UBR3: variants seen among roughly 807,000 people sequenced by gnomAD.
The protein encoded by UBR3 is E3 ubiquitin-protein ligase UBR3.
In UBR3, 85 loss-of-function variants were observed where a neutral mutation model predicts 243.2. That is an observed-to-expected ratio of 0.35 (90% CI 0.29 to 0.42). UBR3 has a LOEUF of 0.42. UBR3 is among the 10% of genes least tolerant of loss of function. The pLI, the probability that UBR3 is intolerant of heterozygous loss-of-function variation, is 1.00. For missense variants in UBR3, 1,686 were observed against 2,300.8 expected (o/e 0.73, Z 5.47); for synonymous variants, 748 against 799.8 (o/e 0.94, Z 1.09).
At chr2:170,065,171 A>G (rs561300770) in intron 35 of UBR3, among the ~76,000 whole-genome samples, 1 of 152,146 alleles carries the variant, frequency 6.6e-6, no homozygotes, top group South Asian at 2.1e-4. Flanking sequence ...ACATTTTTTA[A>G]TCTGTCAAGT....
In UBR3 at chr2:169,872,263, A is replaced by G; in HGVS notation, c.573A>G (p.Ser191=). The G allele has an allele frequency of 6.5e-7, 1 of 1,528,666 alleles. No individual in the cohort carries two copies. Among genetic ancestry groups the G allele is most frequent in the Non-Finnish European group, 8.8e-7 (1 of 1,138,138 alleles). The allele number at this position is 1,528,666 out of a possible 1,614,324, so 94.7% of individuals were successfully genotyped here. ...SGFCKRHQIK[S]SSNIPCVPKD... ...TTTGCAAAAGGCATCAAATTAAATC[A>G]AGTTCAAATATTCCCTGTGTCCCTA... Residue 191 remains serine (S), a synonymous_variant, in exon 2 of 39, where the codon TCA becomes TCG. Coordinates refer to ENST00000272793, the MANE Select transcript of UBR3 (RefSeq NM_172070.4).
intron 22 of UBR3, among the ~76,000 whole-genome samples, chr2:169,948,662 G>A (rs2086881538): frequency 6.6e-6 from 1 of 151,970 alleles, no homozygotes; most frequent in African/African-American, 2.4e-5. Context: ...AGAGGCTTTT[G>A]CCTCTAATGC....
chr2:169,838,484 G>A (rs1317828538), intron 1 of UBR3, among the ~76,000 whole-genome samples: 1 of 150,672 alleles, frequency 6.6e-6, no homozygotes, highest in Non-Finnish European at 1.5e-5. Flanking sequence ...CATGGCAGAA[G>A]CGGGGAAGAG....
chr2:170,040,160 A>G (rs527378232), intron 31 of UBR3, among the ~76,000 whole-genome samples: 4 of 152,286 alleles, frequency 2.6e-5, no homozygotes, highest in South Asian at 4.1e-4. Flanking sequence ...TAATTTTGAG[A>G]CAGAGTCTCA....
intron 26 of UBR3, among the ~76,000 whole-genome samples, chr2:169,998,412 G>A (rs924238379): frequency 6.6e-6 from 1 of 152,190 alleles, no homozygotes; most frequent in Non-Finnish European, 1.5e-5. Flanking sequence ...GTTAGTGATT[G>A]TGAGATTTTT....
At chr2:170,027,106 A>C (rs2090549233) in intron 30 of UBR3, among the ~76,000 whole-genome samples, 1 of 151,882 alleles carries the variant, frequency 6.6e-6, no homozygotes, top group Admixed American at 6.6e-5. Context: ...TGGTAGAAAT[A>C]ACTAAGAGGT....
chr2:170,001,406 T>C lies in UBR3; in HGVS notation c.4021T>C (p.Ser1341Pro), dbSNP rs1156590148. 1 of 1,611,294 alleles carries C rather than the reference T, an allele frequency of 6.2e-7. No individual in the cohort carries two copies. Among genetic ancestry groups the C allele is most frequent in the African/African-American group, 1.3e-5 (1 of 74,862 alleles). ...HIDCHKSYME[S>P]LRNDQVLQGF... Reference sequence around the variant, plus strand: ...AGATTGTCATAAATCTTACATGGAATCATTACGGGTAAGTTGATTGCAAAA... The same window carrying C: ...AGATTGTCATAAATCTTACATGGAACCATTACGGGTAAGTTGATTGCAAAA... Residue 1341 changes from serine to proline, a missense_variant, in exon 27 of 39, where the codon TCA (serine) becomes CCA (proline). Transcript: ENST00000272793.
intron 35 of UBR3, among the ~76,000 whole-genome samples, chr2:170,072,840 T>C (rs570010127): frequency 6.6e-6 from 1 of 152,170 alleles, no homozygotes; most frequent in African/African-American, 2.4e-5. Context: ...TTTCCAAGAC[T>C]AATAAGCTTC....
At chr2:170,075,462 G>A (rs953829870) in intron 36 of UBR3, among the ~76,000 whole-genome samples, 1 of 152,112 alleles carries the variant, frequency 6.6e-6, no homozygotes, top group African/African-American at 2.4e-5. Context: ...TTAGATGAAT[G>A]ATTATTGTAT....
At chr2:169,888,431 G>A (rs945770557) in intron 5 of UBR3, among the ~76,000 whole-genome samples, 7 of 152,040 alleles carry the variant, frequency 4.6e-5, no homozygotes, top group East Asian at 3.9e-4. Context: ...GAGCCACCGC[G>A]CCTCGTCCTG....
intron 30 of UBR3, among the ~76,000 whole-genome samples, chr2:170,026,739 T>C (rs1334421113): frequency 6.6e-6 from 1 of 152,178 alleles, no homozygotes; most frequent in African/African-American, 2.4e-5. Flanking sequence ...TTTTTTGTTA[T>C]TGTTACTCAA....
chr2:170,022,455 A>G (rs2090416349), intron 30 of UBR3, among the ~76,000 whole-genome samples: 2 of 152,110 alleles, frequency 1.3e-5, no homozygotes, highest in African/African-American at 4.8e-5. Context: ...CCAAAATCCC[A>G]TGTGTCCTTG....
chr2:169,830,138 T>A (rs936529093), intron 1 of UBR3, among the ~76,000 whole-genome samples: 1 of 152,220 alleles, frequency 6.6e-6, no homozygotes, highest in Non-Finnish European at 1.5e-5. Context: ...TTTATTTTTA[T>A]TTTTTGTGCG....
intron 1 of UBR3, among the ~76,000 whole-genome samples, chr2:169,859,604 A>AT (rs1311001790): frequency 6.6e-6 from 1 of 151,634 alleles, no homozygotes; most frequent in African/African-American, 2.4e-5. Context: ...ATTTTGGATA[A>AT]TTTTTATTGC....
At chr2:169,977,618 C>G (rs2088514345) in intron 24 of UBR3, among the ~76,000 whole-genome samples, 1 of 152,092 alleles carries the variant, frequency 6.6e-6, no homozygotes, top group Admixed American at 6.5e-5. Context: ...GAGAGGAAAC[C>G]AAGCAAGCTG....
chr2:169,833,080 A>G (rs1344765863), intron 1 of UBR3, among the ~76,000 whole-genome samples: 1 of 152,196 alleles, frequency 6.6e-6, no homozygotes, highest in East Asian at 1.9e-4. Flanking sequence ...TTCAGGGTAT[A>G]CTGAAATGCT....
At chr2:169,847,329 T>C (rs767450616) in intron 1 of UBR3, among the ~76,000 whole-genome samples, 11 of 152,160 alleles carry the variant, frequency 7.2e-5, no homozygotes, top group Non-Finnish European at 1.3e-4. Flanking sequence ...AATGTTTCCA[T>C]TTACTCTTCT....
chr2:169,850,763 G>T (rs1274682210), intron 1 of UBR3, among the ~76,000 whole-genome samples: 1 of 151,802 alleles, frequency 6.6e-6, no homozygotes, highest in Non-Finnish European at 1.5e-5. Flanking sequence ...AGAATGGCAT[G>T]AACCCGGGAG....
rs1407793562 is a variant in UBR3 at position 169,831,190 on chromosome 2, G to T, written c.545+3138G>T. Among the ~76,000 whole-genome samples the T allele has an allele frequency of 3.2e-5, 4 of 124,272 alleles. No individual in the cohort carries two copies. In the Admixed American group the frequency reaches 3.9e-4, roughly 12 times the overall value. The allele number at this position is 124,272 out of a possible 152,430, so 81.5% of individuals were successfully genotyped here. ...AGTTTTGCTCTTGTTGCCCAGGCTG[G>T]ATTGCAGTGGCACGATCTTGGCTCA... On this transcript the variant is annotated intron_variant, in intron 1 of 38. Coordinates refer to ENST00000272793, the MANE Select transcript of UBR3 (RefSeq NM_172070.4).
Sources: allele counts gnomAD v4.1 joint callset (sites outside exome capture counted in the v4.1 genomes callset), GRCh38; gene constraint gnomAD v4.1.1; transcripts MANE v1.5; gene names NCBI Gene and HGNC (gene_info 2026-07-23, HGNC 2026-07-21).